Variants in GPR137B observed in about 807,000 individuals in gnomAD.
GPR137B encodes integral membrane protein GPR137B.
Under a neutral mutation model 42.5 loss-of-function variants are expected in GPR137B, and 42 were observed. The ratio of observed to expected loss-of-function variants is 0.99; its 90% CI spans 0.77 to 1.28. The LOEUF is 1.28. Among genes scored for constraint, GPR137B ranks in the 50% most tolerant of loss-of-function variants. GPR137B has a pLI of 0.00. For synonymous variants in GPR137B, 218 were observed against 209.7 expected (o/e 1.04, Z -0.34); for missense variants, 487 against 493.9 (o/e 0.99, Z 0.13).
chr1:236,182,415 ATTCT>A (rs1256959576), intron 4 of GPR137B, among the ~76,000 whole-genome samples: 1 of 152,112 alleles, frequency 6.6e-6, no homozygotes, highest in African/African-American at 2.4e-5. Flanking sequence ...AGGAGTGGCC[ATTCT>A]TTCTTTACTT....
Position 236,168,722 on chromosome 1 carries a change from A to C in GPR137B, c.431A>C (p.Lys144Thr). ...LYFTQVIFKAKSKYSPELLKY... is the reference protein window; with the variant it reads ...LYFTQVIFKATSKYSPELLKY... The stretch of plus-strand genomic sequence containing the variant: ...TCGTTGCAGGTGATTTTCAAAGCCA[A>C]GTCAAAATATTCTCCAGAATTACTC... The change falls in exon 2 of 7, where the codon AAG (lysine) becomes ACG (threonine). Residue 144 changes from lysine to threonine, a missense_variant. Coordinates refer to ENST00000366592, the MANE Select transcript of GPR137B (RefSeq NM_003272.4). 1 of 1,612,942 alleles carries C rather than the reference A, an allele frequency of 6.2e-7. No individual in the cohort carries two copies.
At chr1:236,198,750 T>C (rs946521230) in intron 5 of GPR137B, among the ~76,000 whole-genome samples, 1 of 152,196 alleles carries the variant, frequency 6.6e-6, no homozygotes, top group African/African-American at 2.4e-5. Flanking sequence ...CTGAGTTCCT[T>C]ATTTGATTCT....
intron 5 of GPR137B, among the ~76,000 whole-genome samples, chr1:236,184,775 T>C (rs1662974747): frequency 6.6e-6 from 1 of 151,996 alleles, no homozygotes; most frequent in African/African-American, 2.4e-5. Flanking sequence ...TTTTGGTTTT[T>C]TTTTCTTTTG....
rs1662012286 is a variant in GPR137B at position 236,155,969 on chromosome 1, A to G, written c.415-12737A>G. Among the ~76,000 whole-genome samples the G allele has an allele frequency of 6.6e-6, 1 of 152,198 alleles. No homozygotes were observed. The highest frequency in any genetic ancestry group is 1.5e-5 in the Non-Finnish European group (1 of 68,026). The stretch of plus-strand genomic sequence containing the variant: ...CACACACATACACAAACGCACACAC[A>G]TGCACACACACGCGCGCGCGCAAAC... On this transcript the variant is annotated intron_variant, in intron 1 of 6. Transcript: ENST00000366592. The surrounding 1 kb of genome is among the most constrained non-coding windows in gnomAD (Gnocchi z 4.6).
chr1:236,200,828 G>A (rs1173421999), intron 5 of GPR137B, among the ~76,000 whole-genome samples: 2 of 151,800 alleles, frequency 1.3e-5, no homozygotes, highest in African/African-American at 2.4e-5. Flanking sequence ...GGAGCATTTA[G>A]GCCATTTACA....
intron 1 of GPR137B, among the ~76,000 whole-genome samples, chr1:236,147,864 T>G (rs1661725051): frequency 6.6e-6 from 1 of 152,228 alleles, no homozygotes; most frequent in African/African-American, 2.4e-5. Context: ...CACCTTCCAG[T>G]TCAGCCTGGG....
At chr1:236,170,119 G>T (rs930569164) in intron 2 of GPR137B, among the ~76,000 whole-genome samples, 5 of 151,670 alleles carry the variant, frequency 3.3e-5, no homozygotes, top group African/African-American at 9.7e-5. Context: ...TGGAAGAGGC[G>T]CGGGGGTGCA....
At chr1:236,181,818 A>G (rs1662883796) in intron 4 of GPR137B, among the ~76,000 whole-genome samples, 1 of 152,024 alleles carries the variant, frequency 6.6e-6, no homozygotes, top group African/African-American at 2.4e-5. Flanking sequence ...ACTTTAAACA[A>G]TGATTAATTA....
At position 236,169,296 on chromosome 1, in the gene GPR137B, C is replaced by G. The variant is rs142730164; in HGVS notation, c.464+541C>G. Among the ~76,000 whole-genome samples, 626 of 152,168 alleles carry G rather than the reference C, an allele frequency of 4.1e-3. 4 individuals are homozygous for G. The highest frequency in any genetic ancestry group is 0.014 in the African/African-American group (597 of 41,478). The stretch of plus-strand genomic sequence containing the variant: ...GCCCCTGCAGCCTGCCACCTGGTGG[C>G]CTTACCCGCCTTGTCTCAGCTGCTG... On this transcript the variant is annotated intron_variant, in intron 2 of 6. Coordinates refer to ENST00000366592, the MANE Select transcript of GPR137B (RefSeq NM_003272.4).
chr1:236,201,073 T>G (rs1663480164), intron 5 of GPR137B, among the ~76,000 whole-genome samples: 1 of 152,014 alleles, frequency 6.6e-6, no homozygotes, highest in African/African-American at 2.4e-5. Context: ...CTTTGTATCT[T>G]TTCCTTCATT....
chr1:236,191,154 T>A (rs1311644115), intron 5 of GPR137B, among the ~76,000 whole-genome samples: 1 of 152,162 alleles, frequency 6.6e-6, no homozygotes, highest in African/African-American at 2.4e-5. Context: ...TTGTGTATGC[T>A]TCACGAAGTT....
intron 1 of GPR137B, 126 bp from the exon 2 acceptor site, chr1:236,168,580 A>C: frequency 1.4e-6 from 1 of 718,294 alleles, no homozygotes; most frequent in Non-Finnish European, 2.6e-6. Flanking sequence ...AAACGTGGAC[A>C]TTTCAATTAT....
At chr1:236,165,896 CAG>C (rs1662338757) in intron 1 of GPR137B, among the ~76,000 whole-genome samples, 1 of 152,174 alleles carries the variant, frequency 6.6e-6, no homozygotes, top group Non-Finnish European at 1.5e-5. Flanking sequence ...AGGCCTGCCT[CAG>C]AATAAATTCT....
At chr1:236,144,818 C>T (rs1558476179) in intron 1 of GPR137B, among the ~76,000 whole-genome samples, 1 of 152,224 alleles carries the variant, frequency 6.6e-6, no homozygotes, top group Non-Finnish European at 1.5e-5. Context: ...TATTTGTCCC[C>T]TTTTTGGGGG....
chr1:236,148,975 A>G (rs1046244467), intron 1 of GPR137B, among the ~76,000 whole-genome samples: 4 of 152,130 alleles, frequency 2.6e-5, no homozygotes, highest in African/African-American at 9.7e-5. Context: ...TACTCATCCC[A>G]TGGGTCGGAG....
intron 1 of GPR137B, among the ~76,000 whole-genome samples, chr1:236,146,228 A>G (rs988563612): frequency 3.3e-5 from 5 of 152,196 alleles, no homozygotes; most frequent in Non-Finnish European, 7.3e-5. Flanking sequence ...GGAGCGCAAA[A>G]TCAGGTTGCA....
intron 1 of GPR137B, among the ~76,000 whole-genome samples, chr1:236,167,903 A>G (rs1662407914): frequency 6.6e-6 from 1 of 152,188 alleles, no homozygotes; most frequent in African/African-American, 2.4e-5. Flanking sequence ...TCTGCCATCC[A>G]GTGTGTGTGG....
chr1:236,144,900 G>A (rs1661640948), intron 1 of GPR137B, among the ~76,000 whole-genome samples: 1 of 152,236 alleles, frequency 6.6e-6, no homozygotes, highest in South Asian at 2.1e-4. Context: ...TCTGAACTTA[G>A]AGCCGGATTA....
chr1:236,164,701 T>C (rs1662297190), intron 1 of GPR137B, among the ~76,000 whole-genome samples: 1 of 152,232 alleles, frequency 6.6e-6, no homozygotes, highest in Non-Finnish European at 1.5e-5. Flanking sequence ...ACTGAAATTA[T>C]ATGTGCGTTT....
Sources: allele counts gnomAD v4.1 joint callset (sites outside exome capture counted in the v4.1 genomes callset), GRCh38; gene constraint gnomAD v4.1.1; non-coding constraint Gnocchi (gnomAD v3.1); transcripts MANE v1.5; gene names NCBI Gene and HGNC (gene_info 2026-07-23, HGNC 2026-07-21).